SIPA1L1: variants seen among roughly 807,000 people sequenced by gnomAD.
SIPA1L1 encodes signal-induced proliferation-associated 1-like protein 1.
A neutral mutation model predicts 162.7 loss-of-function variants in SIPA1L1; 26 were observed. That is an observed-to-expected ratio of 0.16 (90% confidence interval 0.12 to 0.22). SIPA1L1 has a LOEUF of 0.22. Among genes scored for constraint, SIPA1L1 ranks in the 10% least tolerant of loss-of-function variants. The pLI is 1.00. For synonymous variants in SIPA1L1, 829 were observed against 837.4 expected, an observed-to-expected ratio of 0.99 and a Z score of 0.17; for missense variants, 1,874 against 2,241.0, an observed-to-expected ratio of 0.84 and a Z score of 3.31.
intron 5 of SIPA1L1, among the ~76,000 whole-genome samples, chr14:71,613,369 T>C (rs2038442945): frequency 7.4e-6 from 1 of 135,354 alleles, no homozygotes; most frequent in Non-Finnish European, 1.6e-5. Context: ...AGGAAGTACC[T>C]TTTTTTTTTT....
chr14:71,555,159 C>T (rs889108167), intron 4 of SIPA1L1, among the ~76,000 whole-genome samples: 3 of 152,208 alleles, frequency 2.0e-5, no homozygotes, highest in Admixed American at 6.5e-5. Context: ...ATTGACTTCT[C>T]CTCTGTAGCT....
At chr14:71,670,612 T>C (rs1304169197) in intron 10 of SIPA1L1, among the ~76,000 whole-genome samples, 2 of 152,358 alleles carry the variant, frequency 1.3e-5, no homozygotes, top group East Asian at 3.9e-4. Flanking sequence ...TATTGAAATT[T>C]AATTCATTTC....
At chr14:71,506,918 C>T (rs2050725942) in intron 2 of SIPA1L1, among the ~76,000 whole-genome samples, 1 of 151,800 alleles carries the variant, frequency 6.6e-6, no homozygotes, top group African/African-American at 2.4e-5. Flanking sequence ...CCCACCTCTG[C>T]CTCCCACAGT....
chr14:71,601,072 G>A (rs1379456393), intron 5 of SIPA1L1, among the ~76,000 whole-genome samples: 7 of 151,998 alleles, frequency 4.6e-5, no homozygotes, highest in East Asian at 1.9e-4. Context: ...CATCTTTTCC[G>A]ATTTAGATGC....
chr14:71,499,640 T>C (rs1045756490), intron 2 of SIPA1L1, among the ~76,000 whole-genome samples: 21 of 152,096 alleles, frequency 1.4e-4, no homozygotes, highest in African/African-American at 5.1e-4. Flanking sequence ...AGGATAGCAA[T>C]AGAAATTAGC....
chr14:71,599,953 G>T (rs113769158), intron 5 of SIPA1L1, among the ~76,000 whole-genome samples: 2 of 151,908 alleles, frequency 1.3e-5, no homozygotes, highest in African/African-American at 4.8e-5. Flanking sequence ...TGTTTTAATA[G>T]GATTATTTGT....
At chr14:71,450,607 A>G (rs565589860) in intron 2 of SIPA1L1, among the ~76,000 whole-genome samples, 8 of 152,222 alleles carry the variant, frequency 5.3e-5, no homozygotes, top group Non-Finnish European at 7.4e-5. Context: ...AATATTTGAG[A>G]AATTATCAGA....
chr14:71,439,616 A>C (rs148557258), intron 2 of SIPA1L1, among the ~76,000 whole-genome samples: 210 of 152,346 alleles, frequency 1.4e-3, no homozygotes, highest in Non-Finnish European at 2.5e-3. Context: ...TGGAGGAGAA[A>C]AGAATATTAA....
chr14:71,671,815 T>C (rs1387404224), intron 11 of SIPA1L1, 123 bp downstream of exon 11: 1 of 701,848 alleles, frequency 1.4e-6, no homozygotes, highest in Non-Finnish European at 2.3e-6. Flanking sequence ...TCCCTTGATG[T>C]GTGAAGCAAA....
At chr14:71,438,730 G>A (rs1031957465) in intron 2 of SIPA1L1, among the ~76,000 whole-genome samples, 3 of 152,128 alleles carry the variant, frequency 2.0e-5, no homozygotes, top group Admixed American at 2.0e-4. Context: ...AGGGCCATCG[G>A]GAATCTGGGA....
At chr14:71,544,334 CAT>C (rs748611982) in intron 4 of SIPA1L1, among the ~76,000 whole-genome samples, 56 of 150,326 alleles carry the variant, frequency 3.7e-4, no homozygotes, top group African/African-American at 7.1e-4. Context: ...ATACATATAT[CAT>C]GTGTGTGTAT....
chr14:71,391,085 TG>T, intron 2 of SIPA1L1, among the ~76,000 whole-genome samples: 1 of 151,498 alleles, frequency 6.6e-6, no homozygotes, highest in African/African-American at 2.4e-5. Context: ...AAATTAGTTT[TG>T]TGCCTGTATT....
intron 2 of SIPA1L1, among the ~76,000 whole-genome samples, chr14:71,497,530 A>T (rs1192492589): frequency 6.6e-6 from 1 of 152,188 alleles, no homozygotes; most frequent in Non-Finnish European, 1.5e-5. Flanking sequence ...CTGATCTGCC[A>T]TCCATTCCTG....
intron 2 of SIPA1L1, among the ~76,000 whole-genome samples, chr14:71,365,776 C>G (rs377570736): frequency 6.0e-5 from 9 of 150,118 alleles, no homozygotes; most frequent in Admixed American, 5.3e-4. Flanking sequence ...CCCAGGCTGT[C>G]GTGCAGTGCT....
intron 13 of SIPA1L1, among the ~76,000 whole-genome samples, chr14:71,694,643 C>T (rs1341272112): frequency 6.6e-6 from 1 of 152,142 alleles, no homozygotes; most frequent in African/African-American, 2.4e-5. Context: ...AAAAGATTTA[C>T]AGAATTCCTC....
At position 71,679,139 on chromosome 14, in the gene SIPA1L1, T is replaced by C. The variant is rs897490123; in HGVS notation, c.3105-6223T>C. ...AACTCCAAGACACATAATTGTCAGATTCACCAAAGTTGAAATGAAGGAAAA... is the reference window on the plus strand; with the variant it reads ...AACTCCAAGACACATAATTGTCAGACTCACCAAAGTTGAAATGAAGGAAAA... On this transcript the variant is annotated intron_variant, in intron 12 of 23. Coordinates refer to ENST00000381232, the MANE Select transcript of SIPA1L1 (RefSeq NM_001386936.1). 2.2e-4 allele frequency among the ~76,000 whole-genome samples: 34 copies of C among 152,120 alleles called. 1 individual carries two copies. The highest frequency in any genetic ancestry group is 1.5e-4 in the Non-Finnish European group (10 of 68,026).
At chr14:71,483,641 A>G (rs2048514209) in intron 2 of SIPA1L1, among the ~76,000 whole-genome samples, 1 of 152,112 alleles carries the variant, frequency 6.6e-6, no homozygotes, top group African/African-American at 2.4e-5. Flanking sequence ...TTACCATCCC[A>G]TCCCACCCCT....
chr14:71,444,376 A>G (rs1388702198), intron 2 of SIPA1L1, among the ~76,000 whole-genome samples: 9 of 152,180 alleles, frequency 5.9e-5, no homozygotes, highest in Non-Finnish European at 1.2e-4. Context: ...CAAAAAATAA[A>G]AGTATTCCAT....
intron 4 of SIPA1L1, among the ~76,000 whole-genome samples, chr14:71,541,786 A>G (rs2054406445): frequency 6.6e-6 from 1 of 152,202 alleles, no homozygotes; most frequent in Non-Finnish European, 1.5e-5. Context: ...CAACAGCAAC[A>G]GAAACATTAA....
Sources: gnomAD v4.1 joint callset for allele counts (sites outside exome capture counted in the v4.1 genomes callset) on GRCh38, gnomAD v4.1.1 for gene constraint, MANE v1.5 for transcripts, NCBI Gene and HGNC (gene_info 2026-07-23, HGNC 2026-07-21) for gene names.